KIN: variants seen among roughly 807,000 people sequenced by gnomAD.
The protein encoded by KIN is DNA/RNA-binding protein KIN17.
A neutral mutation model predicts 63.0 loss-of-function variants in KIN; 47 were observed. The ratio of observed to expected loss-of-function variants is 0.75; its 90% CI spans 0.59 to 0.95. The LOEUF is 0.95. Among genes scored for constraint, KIN ranks in the 40% least tolerant of loss-of-function variants. The probability of loss-of-function intolerance (pLI) is 0.00; values close to 1 mark genes in which losing one functional copy is unlikely to be tolerated. For synonymous variants in KIN, 160 were observed against 157.7 expected (o/e 1.01, Z -0.11); for missense variants, 408 against 460.9 (o/e 0.89, Z 1.05).
At chr10:7,778,769 G>A (rs1588484806) in intron 5 of KIN, 69 bp downstream of exon 5, 6 of 1,293,576 alleles carry the variant, frequency 4.6e-6, no homozygotes, top group African/African-American at 1.5e-5. Flanking sequence ...AAACAAAAAA[G>A]AAAAACCAAG....
chr10:7,779,674 C>T (rs767415939), intron 4 of KIN, among the ~76,000 whole-genome samples: 1 of 152,002 alleles, frequency 6.6e-6, no homozygotes, highest in Non-Finnish European at 1.5e-5. Flanking sequence ...TAAGAAATCT[C>T]GAGATGATTT....
At chr10:7,770,553 G>T (rs1025928928) in intron 7 of KIN, among the ~76,000 whole-genome samples, 1 of 152,140 alleles carries the variant, frequency 6.6e-6, no homozygotes, top group African/African-American at 2.4e-5. Flanking sequence ...ATAATCATTT[G>T]TATGTACGAC....
intron 9 of KIN, among the ~76,000 whole-genome samples, chr10:7,765,264 G>C (rs2130996222): frequency 6.6e-6 from 1 of 151,698 alleles, no homozygotes; most frequent in East Asian, 1.9e-4. Flanking sequence ...ATGTTGACCA[G>C]CCTGGGCAAA....
intron 5 of KIN, among the ~76,000 whole-genome samples, chr10:7,776,357 G>A (rs138373542): frequency 0.048 from 7,002 of 145,572 alleles, 558 homozygotes; most frequent in African/African-American, 0.17. Flanking sequence ...CCTGGCCAAC[G>A]TGGTGAAACC....
chr10:7,762,383 A>C, intron 11 of KIN, 74 bp downstream of exon 11: 1 of 803,984 alleles, frequency 1.2e-6, no homozygotes, highest in Non-Finnish European at 2.0e-6. Context: ...AAGTACTGTC[A>C]AAATACAGTG....
At chr10:7,772,069 G>A (rs191132053) in intron 7 of KIN, among the ~76,000 whole-genome samples, 9 of 152,182 alleles carry the variant, frequency 5.9e-5, no homozygotes, top group Admixed American at 2.0e-4. Flanking sequence ...GAAAGGGCGA[G>A]ACCCTAGGCT....
intron 7 of KIN, 92 bp downstream of exon 7, chr10:7,774,739 G>GA: frequency 9.8e-7 from 1 of 1,019,332 alleles, no homozygotes; most frequent in Non-Finnish European, 1.5e-6. Flanking sequence ...ACTACAACTA[G>GA]AAAAAAATGA....
chr10:7,770,366 C>T (rs964203611), intron 7 of KIN, among the ~76,000 whole-genome samples: 5 of 152,226 alleles, frequency 3.3e-5, no homozygotes, highest in African/African-American at 9.6e-5. Context: ...CTGAGCCATG[C>T]CCTATGCTTT....
intron 5 of KIN, 35 bp from the exon 6 acceptor site, chr10:7,775,834 A>C: frequency 1.5e-6 from 2 of 1,358,714 alleles, no homozygotes; most frequent in Non-Finnish European, 2.0e-6. Context: ...TTTGGTGTAC[A>C]TTGCACTTAC....
intron 9 of KIN, among the ~76,000 whole-genome samples, chr10:7,765,693 A>G (rs1337637422): frequency 3.3e-5 from 5 of 152,196 alleles, no homozygotes; most frequent in African/African-American, 7.2e-5. Flanking sequence ...AATAAGTTGT[A>G]AACTGAAAAC....
chr10:7,778,915 G>C lies in KIN; in HGVS notation c.481C>G (p.Gln161Glu). Residue 161 changes from glutamine (Q) to glutamate (E), a missense_variant, in exon 5 of 13, where the codon CAG becomes GAG. Gln to Glu is a conservative substitution (Grantham distance 29). Around this residue, in one of 2 missense-constraint regions of KIN, gnomAD observed 298 missense variants for 296.0 expected, o/e 1.01. Coordinates refer to ENST00000379562, the MANE Select transcript of KIN (RefSeq NM_012311.4). ...RQLELEKKKKQDLDDEEKTAK... is the reference protein window; with the variant it reads ...RQLELEKKKKEDLDDEEKTAK... ...GTTTTTTCTTCATCATCAAGGTCCTGCTTTTTCTTTTTCTCCAGTTCCAGT... is the reference window on the plus strand; with the variant it reads ...GTTTTTTCTTCATCATCAAGGTCCTCCTTTTTCTTTTTCTCCAGTTCCAGT... The C allele has an allele frequency of 1.2e-6, 2 of 1,613,964 alleles. No homozygotes were observed. The highest frequency in any genetic ancestry group is 1.7e-6 in the Non-Finnish European group (2 of 1,179,980).
intron 5 of KIN, among the ~76,000 whole-genome samples, chr10:7,776,278 T>C (rs1033003758): frequency 2.3e-4 from 34 of 147,980 alleles, no homozygotes; most frequent in Non-Finnish European, 4.2e-4. Flanking sequence ...TGGTGGCTCA[T>C]GCCTGTAATC....
chr10:7,772,290 G>A (rs559711985), intron 7 of KIN, among the ~76,000 whole-genome samples: 9 of 152,324 alleles, frequency 5.9e-5, no homozygotes, highest in Admixed American at 3.9e-4. Context: ...TTAGAAGGGT[G>A]AGAGACTGAG....
rs1227921882 is a variant in KIN, at chr10:7,769,258, T to G, written c.756A>C (p.Lys252Asn). Residue 252 changes from lysine (K) to asparagine (N), a missense_variant, in exon 8 of 13, where the codon AAA becomes AAC. Transcript: ENST00000379562. Reference protein sequence around the residue: ...KESSQSSTQSKEKKKKKSALD... With the variant: ...KESSQSSTQSNEKKKKKSALD... ...GTGCAGATTTCTTTTTCTTCTTTTC[T>G]TTAGACTGAGTTGAGCTCTGGGAAG... 6.2e-7 allele frequency: 1 copy of G among 1,613,650 alleles called. No individual in the cohort carries two copies. The highest frequency in any genetic ancestry group is 1.7e-5 in the Admixed American group (1 of 59,960).
intron 12 of KIN, among the ~76,000 whole-genome samples, chr10:7,758,835 A>G (rs1418931597): frequency 6.6e-6 from 1 of 152,168 alleles, no homozygotes; most frequent in Non-Finnish European, 1.5e-5. Context: ...ATGTTCCTCA[A>G]TGCCAAGTAG....
At position 7,778,808 on chromosome 10, in the gene KIN, T is replaced by C. The variant is rs372771341; in HGVS notation, c.558+30A>G. On this transcript the variant is annotated intron_variant, in intron 5 of 12. Coordinates refer to ENST00000379562, the MANE Select transcript of KIN (RefSeq NM_012311.4). ...TTGTGCTTCTTTAGACCTCTGGACG[T>C]TGCTTCTCAGGATGATGTTGCTTAC... The C allele has an allele frequency of 1.4e-5, 22 of 1,605,116 alleles. No individual in the cohort carries two copies. The African/African-American group carries it at 2.3e-4, about 17-fold the overall frequency.
intron 8 of KIN, among the ~76,000 whole-genome samples, chr10:7,768,046 G>T: frequency 6.6e-6 from 1 of 151,976 alleles, no homozygotes; most frequent in South Asian, 2.1e-4. Flanking sequence ...TCATTGATAA[G>T]GTAGGCTATG....
rs1835685004 is a variant in KIN at position 7,772,433 on chromosome 10, A to G, written c.668+2398T>C. ...ACTAGAGTGAATTCTAGCCTTTCTC[A>G]AAGGAGATAAAGAAGCCCAAAGGAG... On this transcript the variant is annotated intron_variant, in intron 7 of 12. Transcript: ENST00000379562. 2.6e-5 allele frequency among the ~76,000 whole-genome samples: 4 copies of G among 152,192 alleles called. No homozygotes were observed. The South Asian group carries it at 8.3e-4, about 31-fold the overall frequency.
At position 7,780,135 on chromosome 10, in the gene KIN, GATGTATTCGTTGTAGACA is replaced by G; in HGVS notation, c.279_296del (p.Val94_Ile99del). The G allele has an allele frequency of 6.2e-7, 1 of 1,613,820 alleles. No homozygotes were observed. Among genetic ancestry groups the G allele is most frequent in the South Asian group, 1.1e-5 (1 of 91,056 alleles). The stretch of plus-strand genomic sequence containing the variant: ...TCATGTGGATGTGCTCTCGGTGGCT[GATGTATTCGTTGTAGACA>G]ATGTTGTTGTGGACCCTTTTAGTGC... On this transcript the variant is annotated inframe_deletion, in exon 4 of 13. Coordinates refer to ENST00000379562, the MANE Select transcript of KIN (RefSeq NM_012311.4).
Sources: allele counts gnomAD v4.1 joint callset (sites outside exome capture counted in the v4.1 genomes callset), GRCh38; gene constraint gnomAD v4.1.1; regional missense constraint gnomAD v4.1.1; transcripts MANE v1.5; gene names NCBI Gene and HGNC (gene_info 2026-07-23, HGNC 2026-07-21).